ASH1L: variants seen among roughly 807,000 people sequenced by gnomAD.
ASH1L encodes ASH1 like histone lysine methyltransferase.
ASH1L carries 23 observed loss-of-function variants against 269.0 expected under a neutral mutation model. The observed-to-expected ratio is 0.09, with a 90% confidence interval of 0.06 to 0.12. The LOEUF (loss-of-function observed/expected upper bound fraction) is 0.12. Among genes scored for constraint, ASH1L ranks in the 10% least tolerant of loss-of-function variants. ASH1L has a pLI of 1.00. For missense variants in ASH1L, 2,912 were observed against 3,567.8 expected (o/e 0.82, Z 4.68); for synonymous variants, 1,187 against 1,253.5 (o/e 0.95, Z 1.12).
intron 6 of ASH1L, among the ~76,000 whole-genome samples, chr1:155,405,461 G>A (rs751680034): frequency 2.6e-5 from 4 of 152,072 alleles, no homozygotes; most frequent in African/African-American, 9.7e-5. Flanking sequence ...AAGCCTAGGC[G>A]ACAGAGTGAG....
At chr1:155,533,103 G>A (rs1293443170) in intron 1 of ASH1L, among the ~76,000 whole-genome samples, 1 of 151,436 alleles carries the variant, frequency 6.6e-6, no homozygotes, top group African/African-American at 2.4e-5. Flanking sequence ...GGTAGAAAGG[G>A]AATAGCCATG....
chr1:155,458,717 AAACCAACCAACCAACC>A (rs373281175), intron 4 of ASH1L, among the ~76,000 whole-genome samples: 3 of 150,648 alleles, frequency 2.0e-5, no homozygotes, highest in Non-Finnish European at 3.0e-5. Context: ...ACTCATCTCA[AAACCAACCAACCAACC>A]AACCAACCAA....
At chr1:155,364,351 G>A (rs1389107727) in intron 12 of ASH1L, among the ~76,000 whole-genome samples, 1 of 152,150 alleles carries the variant, frequency 6.6e-6, no homozygotes, top group Non-Finnish European at 1.5e-5. Context: ...ACATACTTAG[G>A]ATTAGAGTTG....
At chr1:155,433,805 G>A (rs1490361380) in intron 5 of ASH1L, 1 of 1,606,438 alleles carries the variant, frequency 6.2e-7, no homozygotes, top group Non-Finnish European at 8.5e-7. Context: ...GAAGTGGGTG[G>A]AGGAAGCTGA....
intron 7 of ASH1L, among the ~76,000 whole-genome samples, chr1:155,383,274 T>C (rs1336210758): frequency 6.6e-6 from 1 of 152,212 alleles, no homozygotes; most frequent in Non-Finnish European, 1.5e-5. Flanking sequence ...TGTGCAGTGT[T>C]TATAAAATCT....
chr1:155,562,061 T>G (rs1672014204), intron 1 of ASH1L, 92 bp downstream of exon 1: 1 of 871,228 alleles, frequency 1.1e-6, no homozygotes, highest in African/African-American at 1.7e-5. Flanking sequence ...GAGATCCAGG[T>G]CCGGGAGATG....
intron 2 of ASH1L, among the ~76,000 whole-genome samples, chr1:155,518,095 C>T (rs919216703): frequency 1.3e-5 from 2 of 152,088 alleles, no homozygotes; most frequent in African/African-American, 2.4e-5. Context: ...CCACCACGCC[C>T]GGCCCAATAA....
rs1180224086 is a variant in ASH1L at position 155,370,941 on chromosome 1, G to A, written c.6375C>T (p.Gly2125=). The change falls in exon 11 of 28, where the codon GGC becomes GGT. Residue 2125 remains glycine, a synonymous_variant. Transcript: ENST00000392403. ...GTATCCTCTGGTTACAGCATTGCTC[G>A]CCACATGGGCAAGTGTTGGGGGAAC... ...AECSPNTCPC[G]EQCCNQRIQR... is the part of the protein sequence containing the mutation. 9 of 1,613,992 alleles carry A rather than the reference G, an allele frequency of 5.6e-6. No homozygotes were observed. The highest frequency in any genetic ancestry group is 7.6e-6 in the Non-Finnish European group (9 of 1,180,016).
At chr1:155,433,586 T>C (rs772635480) in intron 5 of ASH1L, 1 of 1,610,226 alleles carries the variant, frequency 6.2e-7, no homozygotes, top group South Asian at 1.1e-5. Flanking sequence ...CCCGCAGGAG[T>C]CCCAGAACAT....
At chr1:155,518,780 G>A (rs1021948356) in intron 2 of ASH1L, among the ~76,000 whole-genome samples, 1 of 150,366 alleles carries the variant, frequency 6.7e-6, no homozygotes, top group Non-Finnish European at 1.5e-5. Context: ...GCAGAGACAG[G>A]GAGCAGGAGA....
chr1:155,342,187 G>C (rs1652877799), intron 24 of ASH1L, 85 bp from the exon 25 acceptor site: 9 of 1,296,078 alleles, frequency 6.9e-6, no homozygotes, highest in Non-Finnish European at 9.9e-6. Context: ...ACCAATGGGA[G>C]AGCAGCTAGA....
intron 6 of ASH1L, among the ~76,000 whole-genome samples, chr1:155,405,248 AGG>A: frequency 6.7e-6 from 1 of 148,928 alleles, no homozygotes; most frequent in East Asian, 2.0e-4. Flanking sequence ...TAGGGGGCTG[AGG>A]GGGGGGCAGA....
At chr1:155,483,167 G>A (rs971246166) in intron 2 of ASH1L, among the ~76,000 whole-genome samples, 6 of 151,912 alleles carry the variant, frequency 3.9e-5, no homozygotes, top group African/African-American at 1.2e-4. Context: ...TTTTACTTTT[G>A]GATAACCACT....
At chr1:155,419,548 C>T (rs756469894) in intron 5 of ASH1L, 14 of 152,102 alleles carry the variant, frequency 9.2e-5, no homozygotes, top group Non-Finnish European at 1.8e-4. Flanking sequence ...TCTTGTTCCA[C>T]ACAAAAATCG....
chr1:155,399,092 A>G (rs960132604), intron 6 of ASH1L, among the ~76,000 whole-genome samples: 1 of 152,174 alleles, frequency 6.6e-6, no homozygotes, highest in Admixed American at 6.5e-5. Flanking sequence ...TATCTTGGGT[A>G]GATATGAAAT....
At chr1:155,489,622 G>T (rs1456455686) in intron 2 of ASH1L, among the ~76,000 whole-genome samples, 1 of 151,826 alleles carries the variant, frequency 6.6e-6, no homozygotes, top group Non-Finnish European at 1.5e-5. Context: ...GACGGGCATG[G>T]TGGCGGGTGC....
intron 5 of ASH1L, among the ~76,000 whole-genome samples, chr1:155,425,633 A>G (rs1661089444): frequency 6.6e-6 from 1 of 151,670 alleles, no homozygotes; most frequent in Admixed American, 6.6e-5. Context: ...ACCAGGTTTC[A>G]CCATGTTGGT....
At chr1:155,517,413 G>T (rs1488850085) in intron 2 of ASH1L, among the ~76,000 whole-genome samples, 1 of 152,116 alleles carries the variant, frequency 6.6e-6, no homozygotes, top group Non-Finnish European at 1.5e-5. Flanking sequence ...CAGATCATTT[G>T]AGCTCAGGAG....
chr1:155,440,432 T>C, intron 4 of ASH1L: 1 of 224,268 alleles, frequency 4.5e-6, no homozygotes, highest in Non-Finnish European at 7.5e-6. Context: ...TTTCAATTAC[T>C]TGCAACTCCA....
Sources: gnomAD v4.1 joint callset for allele counts (sites outside exome capture counted in the v4.1 genomes callset) on GRCh38, gnomAD v4.1.1 for gene constraint, MANE v1.5 for transcripts, NCBI Gene and HGNC (gene_info 2026-07-23, HGNC 2026-07-21) for gene names.